SLC33A1: variants seen among roughly 807,000 people sequenced by gnomAD.
SLC33A1 encodes solute carrier family 33 member 1, also known as acetyl-coenzyme A transporter 1.
A neutral mutation model predicts 50.0 loss-of-function variants in SLC33A1; 20 were observed. The ratio of observed to expected loss-of-function variants is 0.40; its 90% CI spans 0.28 to 0.58. SLC33A1 has a LOEUF of 0.58. SLC33A1 is among the 20% of genes least tolerant of loss of function. SLC33A1 has a pLI of 0.44. For synonymous variants in SLC33A1, 265 were observed against 251.8 expected, an observed-to-expected ratio of 1.05 and a Z score of -0.50; for missense variants, 476 against 657.0, an observed-to-expected ratio of 0.72 and a Z score of 3.01.
chr3:155,851,158 T>C (rs768057027), intron 1 of SLC33A1, among the ~76,000 whole-genome samples: 3 of 151,744 alleles, frequency 2.0e-5, no homozygotes, highest in Non-Finnish European at 2.9e-5. Context: ...GGAGAATGGC[T>C]TGAACTAGAG....
At chr3:155,850,111 C>T (rs1317373208) in intron 1 of SLC33A1, among the ~76,000 whole-genome samples, 2 of 151,400 alleles carry the variant, frequency 1.3e-5, no homozygotes, top group Admixed American at 6.6e-5. Context: ...CAGGTTGAAG[C>T]GATTCCCCTG....
chr3:155,845,034 G>A (rs759902671), intron 1 of SLC33A1: 23 of 151,952 alleles, frequency 1.5e-4, no homozygotes, highest in Non-Finnish European at 2.9e-4. Flanking sequence ...CATTGAGCAG[G>A]GTTTTGGTCA....
At position 155,853,760 on chromosome 3, in the gene SLC33A1, A is replaced by C. The variant is rs1388003301; in HGVS notation, c.238T>G (p.Phe80Val). 1 of 1,614,002 alleles carries C rather than the reference A, an allele frequency of 6.2e-7. No homozygotes were observed. Among genetic ancestry groups the C allele is most frequent in the South Asian group, 1.1e-5 (1 of 91,090 alleles). Residue 80 changes from phenylalanine (F) to valine (V), a missense_variant, in exon 1 of 6, where the codon TTT becomes GTT. Transcript: ENST00000643144. ...AELSSILLLL[F>V]LYVLQGIPLG... ...GGAATACCCTGAAGCACGTAAAGAA[A>C]GAGTAGTAGCAAAATGCTGCTTAGT...
At chr3:155,840,372 G>A (rs1188522362) in intron 2 of SLC33A1, among the ~76,000 whole-genome samples, 1 of 151,956 alleles carries the variant, frequency 6.6e-6, no homozygotes, top group Non-Finnish European at 1.5e-5. Context: ...AAAGGCGTGA[G>A]CCACCACCTC....
intron 2 of SLC33A1, among the ~76,000 whole-genome samples, chr3:155,839,015 G>A (rs1752816285): frequency 6.6e-6 from 1 of 151,906 alleles, no homozygotes; most frequent in South Asian, 2.1e-4. Context: ...TAGGCCAGGT[G>A]CAGTGGCTCA....
intron 1 of SLC33A1, among the ~76,000 whole-genome samples, chr3:155,851,336 C>T (rs768057850): frequency 1.3e-5 from 2 of 151,882 alleles, no homozygotes; most frequent in South Asian, 4.1e-4. Context: ...CACAATCTCC[C>T]GGGCTGAAGC....
Position 155,846,934 on chromosome 3 carries a change from G to A in SLC33A1, c.776-4315C>T, listed in dbSNP as rs144578755. 7.7e-3 allele frequency among the ~76,000 whole-genome samples: 1,175 copies of A among 151,966 alleles called. 21 individuals are homozygous for A. The highest frequency in any genetic ancestry group is 0.028 in the African/African-American group (1,143 of 41,438). The stretch of plus-strand genomic sequence containing the variant: ...TTTAATGAGAATAAATAGGCTGGGC[G>A]TGGTGGCTCATGCCTGTAATCCCAG... On this transcript the variant is annotated intron_variant, in intron 1 of 5. Coordinates refer to ENST00000643144, the MANE Select transcript of SLC33A1 (RefSeq NM_004733.4).
intron 1 of SLC33A1, among the ~76,000 whole-genome samples, chr3:155,848,189 TCA>T (rs1265465423): frequency 4.6e-5 from 7 of 152,162 alleles, no homozygotes; most frequent in Admixed American, 2.6e-4. Context: ...CAGTGGTTAT[TCA>T]CAGACACTAT....
At chr3:155,838,867 G>A (rs1752810894) in intron 2 of SLC33A1, among the ~76,000 whole-genome samples, 1 of 151,288 alleles carries the variant, frequency 6.6e-6, no homozygotes, top group African/African-American at 2.4e-5. Flanking sequence ...ATAAAAAATA[G>A]GCCGGGTGCG....
At chr3:155,831,457 C>CA (rs397991448) in intron 4 of SLC33A1, among the ~76,000 whole-genome samples, 6,009 of 46,506 alleles carry the variant, frequency 0.13, 1,211 homozygotes, top group Non-Finnish European at 0.19. Context: ...GACTCTGTCT[C>CA]AAAAAAAAAA....
chr3:155,844,443 ATATATATATATATATTTTTTTTTT>A (rs1674388021), intron 1 of SLC33A1, among the ~76,000 whole-genome samples: 2 of 10,036 alleles, frequency 2.0e-4, no homozygotes, highest in Non-Finnish European at 5.4e-4. Context: ...ATATATATAT[ATATATATATATATATTTTTTTTTT>A]TTTTTTTTTT....
At chr3:155,835,327 A>G (rs984872625) in intron 2 of SLC33A1, among the ~76,000 whole-genome samples, 9 of 152,216 alleles carry the variant, frequency 5.9e-5, no homozygotes, top group Admixed American at 1.3e-4. Context: ...GTGTGAAGTT[A>G]TATCGATACA....
At chr3:155,831,457 CAAAAAAAAAA>C (rs397991448) in intron 4 of SLC33A1, among the ~76,000 whole-genome samples, 19 of 46,714 alleles carry the variant, frequency 4.1e-4, no homozygotes, top group East Asian at 1.1e-3. Flanking sequence ...GACTCTGTCT[CAAAAAAAAAA>C]AAAAAAAAAA....
chr3:155,830,603 C>T (rs1371704656), intron 4 of SLC33A1, among the ~76,000 whole-genome samples: 4 of 151,808 alleles, frequency 2.6e-5, no homozygotes, highest in Non-Finnish European at 5.9e-5. Context: ...AAAGACTCCA[C>T]GGAGAAAATG....
rs1752979865 is a variant in SLC33A1, at chr3:155,842,679, A to G, written c.776-60T>C. 7.0e-6 allele frequency: 6 copies of G among 859,344 alleles called. No homozygotes were observed. In the East Asian group the frequency reaches 1.4e-4, roughly 20 times the overall value. The allele number at this position is 859,344 out of a possible 1,614,324, so 53.2% of individuals were successfully genotyped here. A position where few individuals can be genotyped will look rare whatever the true frequency, so the allele number is the denominator to read the frequency against. On this transcript the variant is annotated intron_variant, in intron 1 of 5. Transcript: ENST00000643144. ...AATTACATAATTTCATTGATACTAA[A>G]TAATTCTATATACAATAACTTTCAA...
Position 155,822,857 on chromosome 3 carries a change from T to C in SLC33A1, c.*5353A>G, listed in dbSNP as rs1479335313. On this transcript the variant is annotated 3_prime_UTR_variant, in exon 6 of 6. Transcript: ENST00000643144. The stretch of plus-strand genomic sequence containing the variant: ...TTTTTAGAGTAAAGGTGATTAGTCA[T>C]AGAACTTTCTTTCTTTTTCTTTCCT... 6.6e-6 allele frequency: 1 copy of C among 152,174 alleles called. No homozygotes were observed. The highest frequency in any genetic ancestry group is 2.4e-5 in the African/African-American group (1 of 41,446). 9.4% of individuals were successfully genotyped at this position (152,174 alleles called of 1,614,324 possible). A position where few individuals can be genotyped will look rare whatever the true frequency, so the allele number is the denominator to read the frequency against.
intron 5 of SLC33A1, among the ~76,000 whole-genome samples, 177 bp from the exon 6 acceptor site, chr3:155,828,554 C>T (rs1752280811): frequency 6.6e-6 from 1 of 152,104 alleles, no homozygotes; most frequent in East Asian, 1.9e-4. Flanking sequence ...ATGCTACTAA[C>T]AGGATTAAAA....
chr3:155,848,828 A>G (rs985043116), intron 1 of SLC33A1, among the ~76,000 whole-genome samples: 13 of 152,184 alleles, frequency 8.5e-5, no homozygotes, highest in African/African-American at 3.1e-4. Context: ...ACTCATTTAC[A>G]TTATCTATCT....
At position 155,854,377 on chromosome 3, in the gene SLC33A1, G is replaced by A. The variant is rs1753542407; in HGVS notation, c.-380C>T. 1.0e-5 allele frequency: 2 copies of A among 196,998 alleles called. No individual in the cohort carries two copies. Among genetic ancestry groups the A allele is most frequent in the Non-Finnish European group, 2.1e-5 (2 of 97,198 alleles). The allele number at this position is 196,998 out of a possible 1,614,324, so 12.2% of individuals were successfully genotyped here. On this transcript the variant is annotated 5_prime_UTR_variant, in exon 1 of 6. Coordinates refer to ENST00000643144, the MANE Select transcript of SLC33A1 (RefSeq NM_004733.4). ...CGACCCAACACCTCCAGCTCTCGCTGCTATCAATGCGGCAGAGAGCACTTT... is the reference window on the plus strand; with the variant it reads ...CGACCCAACACCTCCAGCTCTCGCTACTATCAATGCGGCAGAGAGCACTTT...
Sources: gnomAD v4.1 joint callset for allele counts (sites outside exome capture counted in the v4.1 genomes callset) on GRCh38, gnomAD v4.1.1 for gene constraint, MANE v1.5 for transcripts, NCBI Gene and HGNC (gene_info 2026-07-23, HGNC 2026-07-21) for gene names.